KCNMA1: variants seen among roughly 807,000 people sequenced by gnomAD.
The protein encoded by KCNMA1 is Calcium-activated potassium channel subunit alpha-1.
Under a neutral mutation model 140.0 loss-of-function variants are expected in KCNMA1, and 29 were observed. The ratio of observed to expected loss-of-function variants is 0.21; its 90% CI spans 0.15 to 0.28. The LOEUF is 0.28. Ranked by LOEUF, KCNMA1 falls within the 10% of genes least tolerant of loss-of-function variation. The probability of loss-of-function intolerance (pLI) is 1.00; values close to 1 mark genes in which losing one functional copy is unlikely to be tolerated. For missense variants in KCNMA1, 880 were observed against 1,602.2 expected, an observed-to-expected ratio of 0.55 and a Z score of 7.70; for synonymous variants, 612 against 611.9, an observed-to-expected ratio of 1.00 and a Z score of 0.00.
At chr10:77,276,910 T>C (rs1485806487) in intron 2 of KCNMA1, among the ~76,000 whole-genome samples, 1 of 152,064 alleles carries the variant, frequency 6.6e-6, no homozygotes, top group Non-Finnish European at 1.5e-5. Flanking sequence ...TAGAAGATAG[T>C]TCTATTATTA....
At chr10:77,123,354 A>G (rs2097666794) in intron 5 of KCNMA1, among the ~76,000 whole-genome samples, 1 of 152,198 alleles carries the variant, frequency 6.6e-6, no homozygotes, top group African/African-American at 2.4e-5. Flanking sequence ...CAAAAAATAC[A>G]TTGTTTGCTC....
intron 15 of KCNMA1, among the ~76,000 whole-genome samples, chr10:77,038,898 A>G (rs1236352644): frequency 6.6e-6 from 1 of 152,096 alleles, no homozygotes; most frequent in Non-Finnish European, 1.5e-5. Flanking sequence ...GTCATCCCCC[A>G]TAGGTGACCA....
At chr10:77,504,268 C>T (rs2044992068) in intron 1 of KCNMA1, among the ~76,000 whole-genome samples, 1 of 152,200 alleles carries the variant, frequency 6.6e-6, no homozygotes, top group Non-Finnish European at 1.5e-5. Context: ...ATGTCCCTTG[C>T]CCCATCACCC....
At chr10:77,437,098 A>G (rs1488330328) in intron 1 of KCNMA1, among the ~76,000 whole-genome samples, 1 of 152,068 alleles carries the variant, frequency 6.6e-6, no homozygotes, top group African/African-American at 2.4e-5. Context: ...TCTGCCTCCC[A>G]GGATCTGGAA....
At chr10:76,990,724 T>A (rs547371303) in intron 19 of KCNMA1, among the ~76,000 whole-genome samples, 1 of 152,232 alleles carries the variant, frequency 6.6e-6, no homozygotes, top group Admixed American at 6.5e-5. Flanking sequence ...CCCTGCTGGA[T>A]ATGTTCTCTC....
chr10:77,010,270 T>C (rs2153448891), intron 18 of KCNMA1, among the ~76,000 whole-genome samples: 1 of 152,248 alleles, frequency 6.6e-6, no homozygotes, highest in Non-Finnish European at 1.5e-5. Context: ...ATTGAAATGA[T>C]TCAGGAGATG....
intron 19 of KCNMA1, among the ~76,000 whole-genome samples, chr10:76,973,840 T>C (rs2076766804): frequency 1.3e-5 from 2 of 151,242 alleles, no homozygotes; most frequent in Non-Finnish European, 3.0e-5. Context: ...AGCCTCTTTA[T>C]GGTCCTTGGA....
intron 24 of KCNMA1, chr10:76,913,252 C>T (rs1395597015): frequency 6.6e-6 from 1 of 152,218 alleles, no homozygotes; most frequent in African/African-American, 2.4e-5. Context: ...AGTTCTGAGA[C>T]TTGCTGCTGA....
chr10:76,927,732 C>A (rs924044882), intron 23 of KCNMA1, among the ~76,000 whole-genome samples: 2 of 152,076 alleles, frequency 1.3e-5, no homozygotes, highest in African/African-American at 2.4e-5. Context: ...AACACCACTT[C>A]GCGAAATCCT....
intron 24 of KCNMA1, chr10:76,914,404 T>C (rs2051787813): frequency 5.8e-6 from 3 of 513,622 alleles, no homozygotes; most frequent in Non-Finnish European, 6.9e-6. Context: ...GGGGCCAGAA[T>C]GGCATTTGCT....
intron 20 of KCNMA1, among the ~76,000 whole-genome samples, chr10:76,965,002 C>T (rs1225017702): frequency 6.6e-6 from 1 of 152,186 alleles, no homozygotes; most frequent in Non-Finnish European, 1.5e-5. Flanking sequence ...CCACCTGATA[C>T]ATCCTATGTA....
intron 19 of KCNMA1, among the ~76,000 whole-genome samples, chr10:76,990,344 C>T (rs1329290819): frequency 6.6e-6 from 1 of 152,202 alleles, no homozygotes; most frequent in Admixed American, 6.5e-5. Flanking sequence ...TATCTGCCTG[C>T]TCTGACGTTT....
intron 1 of KCNMA1, among the ~76,000 whole-genome samples, chr10:77,574,998 C>T (rs1419708496): frequency 6.6e-6 from 1 of 152,206 alleles, no homozygotes; most frequent in Non-Finnish European, 1.5e-5. Flanking sequence ...TTTGTTCCTG[C>T]CTCCTCCTAG....
intron 1 of KCNMA1, chr10:77,586,476 CA>C (rs1257978368): frequency 6.6e-6 from 1 of 152,072 alleles, no homozygotes; most frequent in Non-Finnish European, 1.5e-5. Flanking sequence ...ATTTCATGAA[CA>C]AAATAGAGAT....
chr10:77,555,267 G>A (rs191784413), intron 1 of KCNMA1, among the ~76,000 whole-genome samples: 6 of 152,336 alleles, frequency 3.9e-5, no homozygotes, highest in African/African-American at 1.4e-4. Flanking sequence ...AAGTCACAAG[G>A]CCCTGTGGTA....
chr10:76,893,313 T>C (rs1409807938), intron 25 of KCNMA1, among the ~76,000 whole-genome samples: 1 of 152,140 alleles, frequency 6.6e-6, no homozygotes, highest in African/African-American at 2.4e-5. Flanking sequence ...CTTTGCCAAG[T>C]AGAGGAACAG....
intron 1 of KCNMA1, among the ~76,000 whole-genome samples, chr10:77,539,045 A>G (rs548237768): frequency 6.6e-6 from 1 of 152,216 alleles, no homozygotes; most frequent in African/African-American, 2.4e-5. Context: ...ACACTCCAAT[A>G]CAGGCTGGTT....
chr10:76,957,150 A>AT (rs2068719512), intron 20 of KCNMA1, among the ~76,000 whole-genome samples: 1 of 151,238 alleles, frequency 6.6e-6, no homozygotes, highest in Non-Finnish European at 1.5e-5. Flanking sequence ...AAAAAAAAAA[A>AT]AATTAGCATT....
At chr10:77,192,461 T>A (rs1433157459) in intron 3 of KCNMA1, among the ~76,000 whole-genome samples, 1 of 152,036 alleles carries the variant, frequency 6.6e-6, no homozygotes, top group East Asian at 1.9e-4. Context: ...ACCTCAAAAG[T>A]GGTTGGCAGC....
Sources: gnomAD v4.1 joint callset for allele counts (sites outside exome capture counted in the v4.1 genomes callset) on GRCh38, gnomAD v4.1.1 for gene constraint, MANE v1.5 for transcripts, NCBI Gene and HGNC (gene_info 2026-07-23, HGNC 2026-07-21) for gene names.